Variants in MKKS observed in about 807,000 individuals in gnomAD.
MKKS encodes molecular chaperone MKKS.
Under a neutral mutation model 33.2 loss-of-function variants are expected in MKKS, and 29 were observed. That is an observed-to-expected ratio of 0.87 (90% CI 0.65 to 1.19). The LOEUF (loss-of-function observed/expected upper bound fraction) is 1.19. MKKS is among the 50% of genes most tolerant of loss of function. The pLI, the probability that MKKS is intolerant of heterozygous loss-of-function variation, is 0.00. For synonymous variants in MKKS, 260 were observed against 244.0 expected, an observed-to-expected ratio of 1.07 and a Z score of -0.61; for missense variants, 661 against 662.3, an observed-to-expected ratio of 1.00 and a Z score of 0.02.
In MKKS at chr20:10,421,711, C is replaced by A. The variant is rs576431773; in HGVS notation, c.-648-953G>T. Among the ~76,000 whole-genome samples, 11 of 152,066 alleles carry A rather than the reference C, an allele frequency of 7.2e-5. No homozygotes were observed. In the East Asian group the frequency reaches 1.9e-3, roughly 27 times the overall value. ...AAACCCTAACTTACAGGGTTATCGA[C>A]CTAGTTTAGACAAAGAAACTGGGGC... On this transcript the variant is annotated intron_variant, in intron 1 of 5. Transcript: ENST00000347364.
At chr20:10,409,854 C>T (rs957439223) in intron 3 of MKKS, among the ~76,000 whole-genome samples, 1 of 151,316 alleles carries the variant, frequency 6.6e-6, no homozygotes, top group African/African-American at 2.4e-5. Context: ...GCTTGTAATC[C>T]CAGCTGCTTG....
At chr20:10,417,209 C>T (rs2064945113) in intron 2 of MKKS, among the ~76,000 whole-genome samples, 1 of 148,694 alleles carries the variant, frequency 6.7e-6, no homozygotes, top group African/African-American at 2.5e-5. Flanking sequence ...CGACATCACC[C>T]AACTGCAGCC....
In MKKS at chr20:10,401,890, A is replaced by T. The variant is rs1349819191; in HGVS notation, c.*3357T>A. The stretch of plus-strand genomic sequence containing the variant: ...ACAGTTGACTTACAATGTCTAACAT[A>T]TAAAGACTCTCTAATATGGTACAAA... On this transcript the variant is annotated 3_prime_UTR_variant, in exon 6 of 6. Transcript: ENST00000347364. The T allele has an allele frequency of 6.6e-6, 1 of 152,250 alleles. No individual in the cohort carries two copies. Among genetic ancestry groups the T allele is most frequent in the Non-Finnish European group, 1.5e-5 (1 of 68,042 alleles). The allele number at this position is 152,250 out of a possible 1,614,324, so 9.4% of individuals were successfully genotyped here.
In MKKS at chr20:10,412,941, C is replaced by T; in HGVS notation, c.574G>A (p.Gly192Ser). 2 of 1,613,812 alleles carry T rather than the reference C, an allele frequency of 1.2e-6. No individual in the cohort carries two copies. Among genetic ancestry groups the T allele is most frequent in the Non-Finnish European group, 1.7e-6 (2 of 1,179,912 alleles). Residue 192 changes from glycine (G) to serine (S), a missense_variant, in exon 3 of 6, where the codon GGC (glycine) becomes AGC (serine). Transcript: ENST00000347364. ...FLLTIPENAE[G>S]HIILGKSLIV... Reference sequence around the variant, plus strand: ...AAACTCTTTCCTAAAATGATGTGGCCTTCAGCATTTTCTGGAATTGTAAGC... The same window carrying T: ...AAACTCTTTCCTAAAATGATGTGGCTTTCAGCATTTTCTGGAATTGTAAGC...
chr20:10,419,703 G>T (rs1321644175), intron 2 of MKKS, among the ~76,000 whole-genome samples: 1 of 152,190 alleles, frequency 6.6e-6, no homozygotes, highest in Non-Finnish European at 1.5e-5. Context: ...CACCACAGTT[G>T]ATCTAACCCA....
intron 2 of MKKS, among the ~76,000 whole-genome samples, chr20:10,420,083 C>T (rs1423983697): frequency 6.6e-6 from 1 of 151,972 alleles, no homozygotes; most frequent in Non-Finnish European, 1.5e-5. Context: ...TAACTTCATC[C>T]TCTTTATTTC....
Position 10,413,390 on chromosome 20 carries a change from C to T in MKKS, c.125G>A (p.Arg42Lys), listed in dbSNP as rs760370194. 3.7e-6 allele frequency: 6 copies of T among 1,612,972 alleles called. No individual in the cohort carries two copies. The highest frequency in any genetic ancestry group is 3.4e-6 in the Non-Finnish European group (4 of 1,178,946). Residue 42 changes from arginine (R) to lysine (K), a missense_variant, in exon 3 of 6, where the codon AGG becomes AAG. Physicochemically the swap from Arg to Lys is conservative, Grantham distance 26. Coordinates refer to ENST00000347364, the MANE Select transcript of MKKS (RefSeq NM_170784.3). Reference protein sequence around the residue: ...IVTSCYGPSGRLKQLHNGFGG... With the variant: ...IVTSCYGPSGKLKQLHNGFGG... ...AAAGCCATTGTGCAGCTGCTTCAGC[C>T]TACCTGAGGGGCCATAGCATGATGT...
chr20:10,409,977 CAAAAAAAAAAAAAAAA>C (rs58776463), intron 3 of MKKS, among the ~76,000 whole-genome samples: 2 of 54,230 alleles, frequency 3.7e-5, no homozygotes, highest in Non-Finnish European at 5.9e-5. Flanking sequence ...GACTTTGTCT[CAAAAAAAAAAAAAAAA>C]AAAAAAAAAA....
At chr20:10,410,176 T>C (rs2064872662) in intron 3 of MKKS, among the ~76,000 whole-genome samples, 1 of 152,092 alleles carries the variant, frequency 6.6e-6, no homozygotes, top group Non-Finnish European at 1.5e-5. Flanking sequence ...TTCTTTCACA[T>C]GGTGGGAACA....
At chr20:10,423,721 T>G (rs377389728) in intron 1 of MKKS, among the ~76,000 whole-genome samples, 10 of 152,322 alleles carry the variant, frequency 6.6e-5, no homozygotes, top group South Asian at 2.1e-4. Context: ...TTATGTATAT[T>G]GTGCTTAACA....
Position 10,405,222 on chromosome 20 carries a change from C to G in MKKS, c.*25G>C. 4.5e-6 allele frequency: 7 copies of G among 1,568,192 alleles called. No individual in the cohort carries two copies. The highest frequency in any genetic ancestry group is 6.1e-6 in the Non-Finnish European group (7 of 1,149,490). On this transcript the variant is annotated 3_prime_UTR_variant, in exon 6 of 6. Coordinates refer to ENST00000347364, the MANE Select transcript of MKKS (RefSeq NM_170784.3). ...CCAACAGACTAGTTTATTTGTTTCT[C>G]TTGTAATACGAACATGCTATTCTCT... is the stretch of plus-strand genomic sequence containing the variant.
intron 2 of MKKS, among the ~76,000 whole-genome samples, chr20:10,420,324 T>G (rs1006862367): frequency 2.6e-5 from 4 of 152,222 alleles, no homozygotes; most frequent in African/African-American, 9.6e-5. Context: ...TTGCATTCAA[T>G]TGACTGCCAG....
At chr20:10,422,690 A>G (rs2064989071) in intron 1 of MKKS, among the ~76,000 whole-genome samples, 1 of 151,416 alleles carries the variant, frequency 6.6e-6, no homozygotes, top group Non-Finnish European at 1.5e-5. Flanking sequence ...TCCCCTCAAC[A>G]TGAGGTTATC....
intron 1 of MKKS, among the ~76,000 whole-genome samples, chr20:10,433,152 C>T (rs995596337): frequency 2.6e-5 from 4 of 152,218 alleles, no homozygotes; most frequent in Non-Finnish European, 4.4e-5. Flanking sequence ...TACAGGCGTG[C>T]GCCACTGCGC....
chr20:10,430,915 G>A (rs1332728607), intron 1 of MKKS, among the ~76,000 whole-genome samples: 1 of 152,178 alleles, frequency 6.6e-6, no homozygotes, highest in Non-Finnish European at 1.5e-5. Context: ...CTGAAACAAC[G>A]TTTTACATAA....
At chr20:10,411,198 G>A (rs541993653) in intron 3 of MKKS, among the ~76,000 whole-genome samples, 26 of 151,926 alleles carry the variant, frequency 1.7e-4, no homozygotes, top group Non-Finnish European at 3.2e-4. Context: ...ATGTTGGCCA[G>A]GATGGTCTCG....
chr20:10,408,402 C>A (rs1216752695), intron 4 of MKKS, among the ~76,000 whole-genome samples: 1 of 152,122 alleles, frequency 6.6e-6, no homozygotes, highest in African/African-American at 2.4e-5. Context: ...TGTCAAGGGC[C>A]TTTTAGGTTT....
intron 1 of MKKS, among the ~76,000 whole-genome samples, chr20:10,424,264 G>GA (rs903650469): frequency 6.0e-5 from 9 of 149,144 alleles, no homozygotes; most frequent in East Asian, 3.9e-4. Context: ...AAATAAAAAG[G>GA]AAAAAAAAAG....
Position 10,420,552 on chromosome 20 carries a change from C to T in MKKS, c.-442G>A, listed in dbSNP as rs943195951. ...CCTGAAGATTGCAAGCCTGCTACTT[C>T]CCCTGGATTTGGCTCTTCTGAAGAT... On this transcript the variant is annotated 5_prime_UTR_variant, in exon 2 of 6. Coordinates refer to ENST00000347364, the MANE Select transcript of MKKS (RefSeq NM_170784.3). 1.3e-5 allele frequency: 2 copies of T among 152,198 alleles called. No homozygotes were observed. Among genetic ancestry groups the T allele is most frequent in the African/African-American group, 4.8e-5 (2 of 41,430 alleles). 9.4% of individuals were successfully genotyped at this position (152,198 alleles called of 1,614,324 possible).
Sources: gnomAD v4.1 joint callset for allele counts (sites outside exome capture counted in the v4.1 genomes callset) on GRCh38, gnomAD v4.1.1 for gene constraint, MANE v1.5 for transcripts, NCBI Gene and HGNC (gene_info 2026-07-23, HGNC 2026-07-21) for gene names.